Variants in FHIT observed in about 807,000 individuals in gnomAD.
FHIT encodes the protein fragile histidine triad diadenosine triphosphatase, also known as bis(5'-adenosyl)-triphosphatase.
A neutral mutation model predicts 17.9 loss-of-function variants in FHIT; 19 were observed. That is an observed-to-expected ratio of 1.06 (90% CI 0.74 to 1.56). The LOEUF (loss-of-function observed/expected upper bound fraction) is 1.56. FHIT is among the 40% of genes most tolerant of loss of function. FHIT has a pLI of 0.00. For missense variants in FHIT, 248 were observed against 189.2 expected (o/e 1.31, Z -1.82); for synonymous variants, 81 against 69.7 (o/e 1.16, Z -0.81).
At chr3:60,617,967 TA>T in intron 4 of FHIT, 1 of 269,716 alleles carries the variant, frequency 3.7e-6, no homozygotes, top group South Asian at 4.7e-5. Flanking sequence ...AAGTACTTTA[TA>T]AAGTCAAATC....
intron 5 of FHIT, among the ~76,000 whole-genome samples, chr3:60,095,842 G>C (rs950676876): frequency 6.6e-5 from 10 of 152,284 alleles, no homozygotes; most frequent in African/African-American, 2.4e-4. Flanking sequence ...TCCAGCAAAA[G>C]TTTATTGACT....
At position 59,857,702 on chromosome 3, in the gene FHIT, T is replaced by TG. The variant is rs901994532; in HGVS notation, c.348+64643dup. On this transcript the variant is annotated intron_variant, in intron 8 of 9. Transcript: ENST00000492590. ...CTTATGACTATGCTGTGCAAAGTGC[T>TG]GGGTTTTTTTTTTTTTTTTTGTATC... Among the ~76,000 whole-genome samples, 25 of 136,834 alleles carry TG rather than the reference T, an allele frequency of 1.8e-4. 1 individual carries two copies. Among genetic ancestry groups the TG allele is most frequent in the Middle Eastern group, 7.1e-3 (2 of 280 alleles). The allele number at this position is 136,834 out of a possible 152,430, so 89.8% of individuals were successfully genotyped here. A position where few individuals can be genotyped will look rare whatever the true frequency, so the allele number is the denominator to read the frequency against.
At chr3:60,797,901 T>G (rs1575537960) in intron 4 of FHIT, among the ~76,000 whole-genome samples, 1 of 152,076 alleles carries the variant, frequency 6.6e-6, no homozygotes, top group Non-Finnish European at 1.5e-5. Flanking sequence ...AAATATGACT[T>G]TCTTAAAAAC....
At chr3:60,613,963 G>C (rs1353248418) in intron 4 of FHIT, among the ~76,000 whole-genome samples, 2 of 152,062 alleles carry the variant, frequency 1.3e-5, no homozygotes, top group African/African-American at 2.4e-5. Flanking sequence ...CAAAGTCCAG[G>C]AACACTGTCA....
At chr3:60,002,280 TTGTG>T (rs1352104298) in intron 7 of FHIT, among the ~76,000 whole-genome samples, 11 of 152,228 alleles carry the variant, frequency 7.2e-5, no homozygotes, top group East Asian at 1.9e-4. Flanking sequence ...AAACCACTGT[TTGTG>T]TGTGTTTTTT....
Position 60,014,063 on chromosome 3 carries a change from CTCTCTGGGTCG to C in FHIT, c.182_192del (p.Thr61SerfsTer47), listed in dbSNP as rs773262922. 6.2e-7 allele frequency: 1 copy of C among 1,614,074 alleles called. No homozygotes were observed. The highest frequency in any genetic ancestry group is 1.3e-5 in the African/African-American group (1 of 75,032). On this transcript the variant is annotated frameshift_variant, in exon 6 of 10. Transcript: ENST00000492590. LOFTEE classifies it high-confidence loss of function. Reference sequence around the variant, plus strand: ...AAATGTTTTTCCACCACTGTCCCGACTCTCTGGGTCGTCTGAAACAAATCGGCCACTTCATC... The same window carrying C: ...AAATGTTTTTCCACCACTGTCCCGACTCTGAAACAAATCGGCCACTTCATC...
intron 5 of FHIT, among the ~76,000 whole-genome samples, chr3:60,339,419 T>A (rs1285422494): frequency 6.6e-6 from 1 of 152,204 alleles, no homozygotes; most frequent in Non-Finnish European, 1.5e-5. Flanking sequence ...CCATGGAAGA[T>A]AAGAAAATTA....
chr3:60,725,855 T>C (rs1453904657), intron 4 of FHIT, among the ~76,000 whole-genome samples: 1 of 152,150 alleles, frequency 6.6e-6, no homozygotes, highest in African/African-American at 2.4e-5. Flanking sequence ...TTAACTTACA[T>C]GATCTTCCTG....
At chr3:61,102,545 G>GT (rs2035865194) in intron 2 of FHIT, among the ~76,000 whole-genome samples, 1 of 152,138 alleles carries the variant, frequency 6.6e-6, no homozygotes, top group Non-Finnish European at 1.5e-5. Flanking sequence ...CCAGGCTTTG[G>GT]TATCAGGATG....
chr3:60,902,045 A>G (rs1706141805), intron 3 of FHIT, among the ~76,000 whole-genome samples: 1 of 152,180 alleles, frequency 6.6e-6, no homozygotes, highest in South Asian at 2.1e-4. Flanking sequence ...AGTAAAATTT[A>G]CACTTTTAGT....
chr3:61,201,676 T>C (rs1288833135), intron 1 of FHIT, among the ~76,000 whole-genome samples: 4 of 152,294 alleles, frequency 2.6e-5, no homozygotes, highest in African/African-American at 4.8e-5. Context: ...CGGGCTAAGA[T>C]GTAAATTTCA....
chr3:59,846,270 T>C (rs1294089095), intron 8 of FHIT, among the ~76,000 whole-genome samples: 1 of 152,172 alleles, frequency 6.6e-6, no homozygotes, highest in African/African-American at 2.4e-5. Context: ...TCTTTAGCTG[T>C]TGTCTTTGTG....
intron 7 of FHIT, among the ~76,000 whole-genome samples, chr3:59,945,950 G>A (rs1559487567): frequency 6.6e-6 from 1 of 152,168 alleles, no homozygotes; most frequent in Non-Finnish European, 1.5e-5. Flanking sequence ...ACAGTTTGAA[G>A]TCAGATAATG....
Position 60,251,452 on chromosome 3 carries a change from A to T in FHIT, c.104-237300T>A, listed in dbSNP as rs1705707332. ...TCAATTGCACAAAAGAAGAGGGAAA[A>T]ATAATTACAGTTAGTTGTCTGGTCT... On this transcript the variant is annotated intron_variant, in intron 5 of 9. Coordinates refer to ENST00000492590, the MANE Select transcript of FHIT (RefSeq NM_002012.4). 2.0e-5 allele frequency among the ~76,000 whole-genome samples: 3 copies of T among 152,214 alleles called. No homozygotes were observed. The South Asian group carries it at 6.2e-4, about 32-fold the overall frequency.
At chr3:60,524,402 A>C (rs1301322278) in intron 5 of FHIT, among the ~76,000 whole-genome samples, 2 of 152,220 alleles carry the variant, frequency 1.3e-5, no homozygotes, top group East Asian at 3.8e-4. Flanking sequence ...GCATATGTAC[A>C]TCTGGGGAAT....
At chr3:60,706,446 C>G (rs1302899074) in intron 4 of FHIT, among the ~76,000 whole-genome samples, 1 of 152,144 alleles carries the variant, frequency 6.6e-6, no homozygotes, top group African/African-American at 2.4e-5. Flanking sequence ...AAAGTGGAAT[C>G]ATGATTTTAA....
chr3:60,031,719 C>G (rs1029376026), intron 5 of FHIT, among the ~76,000 whole-genome samples: 5 of 152,120 alleles, frequency 3.3e-5, no homozygotes, highest in Admixed American at 3.3e-4. Context: ...AAATTATCAA[C>G]AGGTAATTTG....
intron 4 of FHIT, among the ~76,000 whole-genome samples, chr3:60,556,635 C>T (rs948995992): frequency 6.6e-6 from 1 of 152,238 alleles, no homozygotes; most frequent in Non-Finnish European, 1.5e-5. Flanking sequence ...CAAAGCTCTT[C>T]TCAGTACAAG....
chr3:60,732,742 A>AGTG, intron 4 of FHIT: 14 of 282,652 alleles, frequency 5.0e-5, no homozygotes, highest in Non-Finnish European at 7.3e-5. Flanking sequence ...GCTGGAGTGC[A>AGTG]GCGGCACAAT....
Sources: allele counts gnomAD v4.1 joint callset (sites outside exome capture counted in the v4.1 genomes callset), GRCh38; gene constraint gnomAD v4.1.1; transcripts MANE v1.5; gene names NCBI Gene and HGNC (gene_info 2026-07-23, HGNC 2026-07-21).